Variants in FIG4 observed in about 807,000 individuals in gnomAD.
FIG4 encodes FIG4 phosphoinositide 5-phosphatase.
A neutral mutation model predicts 118.6 loss-of-function variants in FIG4; 112 were observed. That is an observed-to-expected ratio of 0.94 (90% CI 0.81 to 1.11). The LOEUF is 1.11. Ranked by LOEUF, FIG4 falls within the 50% of genes least tolerant of loss-of-function variation. FIG4 has a pLI of 0.00. For missense variants in FIG4, 969 were observed against 1,111.7 expected (o/e 0.87, Z 1.83); for synonymous variants, 369 against 381.2 (o/e 0.97, Z 0.37).
intron 1 of FIG4, among the ~76,000 whole-genome samples, chr6:109,709,041 C>T (rs1775177928): frequency 6.6e-6 from 1 of 152,136 alleles, no homozygotes; most frequent in South Asian, 2.1e-4. Context: ...TTGCCTGTGC[C>T]TATGTCCTGA....
At chr6:109,723,490 AT>A (rs1775672118) in intron 3 of FIG4, among the ~76,000 whole-genome samples, 2 of 152,242 alleles carry the variant, frequency 1.3e-5, no homozygotes, top group African/African-American at 4.8e-5. Context: ...CAGAAATGAT[AT>A]TTGTGGAAGA....
In FIG4 at chr6:109,691,487, T is replaced by G. The variant is rs1774396046; in HGVS notation, c.52T>G (p.Tyr18Asp). The change falls in exon 1 of 23, where the codon TAT (tyrosine) becomes GAT (aspartate). Residue 18 changes from tyrosine to aspartate, a missense_variant. Physicochemically the swap from Tyr to Asp is radical, Grantham distance 160. This residue lies in a region of FIG4 where 393 missense variants were observed against 409.4 expected (regional missense o/e 0.96). Transcript: ENST00000230124. ...CAGCTCGGTCCAGAAGCTGGTTCTG[T>G]ATGAGACTAGAGCTGTGAGTACCCC... Reference protein sequence around the residue: ...IISSVQKLVLYETRARYFLVG... With the variant: ...IISSVQKLVLDETRARYFLVG... 2 of 1,582,306 alleles carry G rather than the reference T, an allele frequency of 1.3e-6. No homozygotes were observed. The highest frequency in any genetic ancestry group is 4.6e-5 in the East Asian group (2 of 43,296).
intron 1 of FIG4, among the ~76,000 whole-genome samples, chr6:109,700,798 C>T (rs1774881408): frequency 6.6e-6 from 1 of 152,148 alleles, no homozygotes; most frequent in Non-Finnish European, 1.5e-5. Context: ...TGTAAAACTA[C>T]CTTTAGGCTA....
Position 109,700,505 on chromosome 6 carries a change from G to T in FIG4, c.66+9004G>T, listed in dbSNP as rs1774874478. Among the ~76,000 whole-genome samples, 3 of 152,168 alleles carry T rather than the reference G, an allele frequency of 2.0e-5. No individual in the cohort carries two copies. The South Asian group carries it at 6.2e-4, about 32-fold the overall frequency. ...TTCCCTTTTTCCCCCTGTTAGAATG[G>T]CAAAGATTTGCCAAAGCCGTTGCTG... is the stretch of plus-strand genomic sequence containing the variant. On this transcript the variant is annotated intron_variant, in intron 1 of 22. Coordinates refer to ENST00000230124, the MANE Select transcript of FIG4 (RefSeq NM_014845.6).
At chr6:109,756,617 T>C (rs1776912291) in intron 10 of FIG4, among the ~76,000 whole-genome samples, 1 of 152,234 alleles carries the variant, frequency 6.6e-6, no homozygotes, top group East Asian at 1.9e-4. Flanking sequence ...CCATATTTCT[T>C]GGAGTCTTTG....
At chr6:109,744,798 A>T (rs879712989) in intron 10 of FIG4, among the ~76,000 whole-genome samples, 8 of 100,334 alleles carry the variant, frequency 8.0e-5, no homozygotes, top group African/African-American at 1.4e-4. Context: ...CTATCCCCCC[A>T]CCCCCCAACA....
intron 9 of FIG4, 66 bp from the exon 10 acceptor site, chr6:109,743,609 C>A: frequency 8.1e-7 from 1 of 1,229,922 alleles, no homozygotes; most frequent in Non-Finnish European, 1.2e-6. Flanking sequence ...AAAAACAACC[C>A]TATGCTTCTT....
chr6:109,714,963 C>CT lies in FIG4; in HGVS notation c.67-112dup, dbSNP rs1271892451. On this transcript the variant is annotated intron_variant, in intron 1 of 22. Transcript: ENST00000230124. ...CCAGTTATACATAACAGAAATATTT[C>CT]TTTAAAAAGTAACCTGACTTTATTA... 4 of 619,030 alleles carry CT rather than the reference C, an allele frequency of 6.5e-6. No individual in the cohort carries two copies. In the East Asian group the frequency reaches 1.1e-4, roughly 17 times the overall value. The allele number at this position is 619,030 out of a possible 1,614,324, so 38.3% of individuals were successfully genotyped here. A position where few individuals can be genotyped will look rare whatever the true frequency, so the allele number is the denominator to read the frequency against.
At chr6:109,785,171 T>C (rs528637854) in intron 17 of FIG4, 143 bp downstream of exon 17, 1 of 662,344 alleles carries the variant, frequency 1.5e-6, no homozygotes, top group Non-Finnish European at 2.7e-6. Context: ...GCTGCTTTAA[T>C]AGATAGGATA....
chr6:109,704,799 A>G (rs145620639), intron 1 of FIG4, among the ~76,000 whole-genome samples: 10 of 152,256 alleles, frequency 6.6e-5, no homozygotes, highest in Non-Finnish European at 1.2e-4. Flanking sequence ...ACATAAAGAT[A>G]GGTAGTACAT....
chr6:109,765,512 T>C (rs1777254921), intron 14 of FIG4, among the ~76,000 whole-genome samples: 1 of 152,190 alleles, frequency 6.6e-6, no homozygotes, highest in South Asian at 2.1e-4. Flanking sequence ...TAAATATTTC[T>C]ATTAAAAATT....
Position 109,786,911 on chromosome 6 carries a change from C to A in FIG4, c.2096+462C>A, listed in dbSNP as rs560855383. Among the ~76,000 whole-genome samples the A allele has an allele frequency of 3.3e-5, 5 of 152,132 alleles. No homozygotes were observed. In the East Asian group the frequency reaches 7.8e-4, roughly 24 times the overall value. ...CTGTCTCTCTTCTTTCTCTCTCCCC[C>A]ACACACACACGCCCCGCAAGTGCCT... On this transcript the variant is annotated intron_variant, in intron 18 of 22. Transcript: ENST00000230124.
chr6:109,709,459 C>T (rs1775189554), intron 1 of FIG4, among the ~76,000 whole-genome samples: 1 of 151,946 alleles, frequency 6.6e-6, no homozygotes, highest in Non-Finnish European at 1.5e-5. Context: ...TTTTTTGGTT[C>T]CATATGAATT....
In FIG4 at chr6:109,735,154, A is replaced by C; in HGVS notation, c.502A>C (p.Ser168Arg). ...DLSSNFYFSY[S>R]YDLSHSLQYN... ...AAGTTTCAATTCTGTTCTCAGTTAC[A>C]GCTATGATTTGTCCCACTCACTTCA... The change falls in exon 6 of 23, where the codon AGC becomes CGC. Residue 168 changes from serine (S) to arginine (R), a missense_variant. Coordinates refer to ENST00000230124, the MANE Select transcript of FIG4 (RefSeq NM_014845.6). The C allele has an allele frequency of 6.2e-7, 1 of 1,612,302 alleles. No individual in the cohort carries two copies. The highest frequency in any genetic ancestry group is 8.5e-7 in the Non-Finnish European group (1 of 1,178,632).
intron 4 of FIG4, among the ~76,000 whole-genome samples, chr6:109,729,251 AACATATTTG>A (rs1257116776): frequency 2.0e-5 from 3 of 152,220 alleles, no homozygotes; most frequent in Non-Finnish European, 4.4e-5. Flanking sequence ...GTTTGCAGAA[AACATATTTG>A]ACAAAATTCA....
chr6:109,804,086 T>C (rs1778500938), intron 22 of FIG4, among the ~76,000 whole-genome samples: 1 of 152,162 alleles, frequency 6.6e-6, no homozygotes. Flanking sequence ...TTTATGGTTT[T>C]TAATGTATTT....
intron 10 of FIG4, among the ~76,000 whole-genome samples, chr6:109,748,395 A>AAAGGACAGGGCTTG (rs1235920086): frequency 2.0e-5 from 3 of 152,172 alleles, no homozygotes; most frequent in Non-Finnish European, 2.9e-5. Context: ...GACAGGGCTT[A>AAAGGACAGGGCTTG]AAGAACAGGG....
intron 3 of FIG4, among the ~76,000 whole-genome samples, chr6:109,719,612 T>C (rs1775545538): frequency 6.6e-6 from 1 of 152,096 alleles, no homozygotes. Context: ...CAGGCTGGCC[T>C]CAAACTGCTG....
At chr6:109,802,881 A>G (rs1262923578) in intron 22 of FIG4, among the ~76,000 whole-genome samples, 1 of 152,258 alleles carries the variant, frequency 6.6e-6, no homozygotes, top group Non-Finnish European at 1.5e-5. Context: ...CTCCCAGCTG[A>G]AAGTCAAAAT....
Sources: allele counts gnomAD v4.1 joint callset (sites outside exome capture counted in the v4.1 genomes callset), GRCh38; gene constraint gnomAD v4.1.1; regional missense constraint gnomAD v4.1.1; transcripts MANE v1.5; gene names NCBI Gene and HGNC (gene_info 2026-07-23, HGNC 2026-07-21).